Variants in PTPRG observed in about 807,000 individuals in gnomAD.
The protein encoded by PTPRG is protein tyrosine phosphatase receptor type G.
In PTPRG, 102 loss-of-function variants were observed where a neutral mutation model predicts 165.3. The ratio of observed to expected loss-of-function variants is 0.62; its 90% confidence interval spans 0.53 to 0.73. PTPRG has a LOEUF of 0.73. Ranked by LOEUF, PTPRG falls within the 30% of genes least tolerant of loss-of-function variation. The pLI is 0.00. For missense variants in PTPRG, 1,866 were observed against 1,861.4 expected, an observed-to-expected ratio of 1.00 and a Z score of -0.05; for synonymous variants, 675 against 669.5, an observed-to-expected ratio of 1.01 and a Z score of -0.13.
chr3:62,123,471 A>G (rs1000548406), intron 5 of PTPRG, among the ~76,000 whole-genome samples: 2 of 152,276 alleles, frequency 1.3e-5, no homozygotes, highest in Admixed American at 6.5e-5. Context: ...GTCTACATAA[A>G]TTTGAACTTG....
chr3:62,163,346 C>T (rs968628617), intron 7 of PTPRG, among the ~76,000 whole-genome samples: 2 of 152,190 alleles, frequency 1.3e-5, no homozygotes, highest in African/African-American at 2.4e-5. Context: ...CCACCAGCCT[C>T]ATGGGATTTC....
At chr3:62,028,257 G>A (rs761003626) in intron 4 of PTPRG, among the ~76,000 whole-genome samples, 3 of 152,132 alleles carry the variant, frequency 2.0e-5, no homozygotes, top group Non-Finnish European at 2.9e-5. Flanking sequence ...TGATCTTTTT[G>A]TGGTGACATC....
intron 1 of PTPRG, among the ~76,000 whole-genome samples, chr3:61,605,395 A>G (rs1700974019): frequency 6.6e-6 from 1 of 151,842 alleles, no homozygotes; most frequent in Non-Finnish European, 1.5e-5. Context: ...AGCTGGGATT[A>G]CAGGTGCACA....
At chr3:61,911,207 AAG>A (rs35880405) in intron 2 of PTPRG, among the ~76,000 whole-genome samples, 439 of 152,308 alleles carry the variant, frequency 2.9e-3, no homozygotes, top group African/African-American at 0.01. Flanking sequence ...TTTCAAGACA[AAG>A]AGGGGAAGGG....
At chr3:61,881,576 T>C (rs1156650862) in intron 2 of PTPRG, among the ~76,000 whole-genome samples, 2 of 152,218 alleles carry the variant, frequency 1.3e-5, no homozygotes, top group Admixed American at 1.3e-4. Context: ...TCTAGCCATT[T>C]GGGTTTTCCA....
At chr3:62,097,933 A>G (rs1290914491) in intron 5 of PTPRG, among the ~76,000 whole-genome samples, 4 of 152,228 alleles carry the variant, frequency 2.6e-5, no homozygotes, top group Non-Finnish European at 5.9e-5. Flanking sequence ...AACTTGAGTT[A>G]TTAAAGCGGC....
chr3:61,709,838 C>T (rs1242312130), intron 1 of PTPRG, among the ~76,000 whole-genome samples: 1 of 152,106 alleles, frequency 6.6e-6, no homozygotes, highest in Non-Finnish European at 1.5e-5. Flanking sequence ...AACCACTGTG[C>T]CAGTGGTTCT....
At chr3:61,609,674 C>G (rs79718520) in intron 1 of PTPRG, among the ~76,000 whole-genome samples, 1 of 150,304 alleles carries the variant, frequency 6.7e-6, no homozygotes, top group Non-Finnish European at 1.5e-5. Context: ...CTGGGCAATA[C>G]GGCAAAACCG....
chr3:61,847,947 G>A, intron 2 of PTPRG, among the ~76,000 whole-genome samples: 1 of 152,218 alleles, frequency 6.6e-6, no homozygotes, highest in East Asian at 1.9e-4. Flanking sequence ...GATCCAGCTT[G>A]CTTTTCCCCT....
At chr3:61,980,934 C>T (rs974812877) in intron 2 of PTPRG, among the ~76,000 whole-genome samples, 6 of 152,208 alleles carry the variant, frequency 3.9e-5, no homozygotes, top group African/African-American at 1.4e-4. Context: ...AATTTTGGGC[C>T]TTGCCTTGTG....
chr3:61,929,426 C>T (rs1350295162), intron 2 of PTPRG, among the ~76,000 whole-genome samples: 2 of 152,114 alleles, frequency 1.3e-5, no homozygotes, highest in African/African-American at 2.4e-5. Flanking sequence ...CAAGTGACCC[C>T]GTATTTAGTC....
intron 2 of PTPRG, among the ~76,000 whole-genome samples, chr3:61,899,561 CT>C (rs1252564213): frequency 7.9e-5 from 12 of 152,120 alleles, no homozygotes; most frequent in African/African-American, 2.9e-4. Context: ...TGGAACATTG[CT>C]CTCTGTTGTT....
intron 2 of PTPRG, among the ~76,000 whole-genome samples, chr3:61,786,507 T>C (rs2034708178): frequency 6.6e-6 from 1 of 152,200 alleles, no homozygotes; most frequent in African/African-American, 2.4e-5. Context: ...AGAGCCAGGC[T>C]GGTTATCGTA....
In PTPRG at chr3:62,262,879, A is replaced by G. The variant is rs749958580; in HGVS notation, c.2641A>G (p.Ile881Val). ...HPENKHKNRYINILAYDHSRV... is the reference protein window; with the variant it reads ...HPENKHKNRYVNILAYDHSRV... The stretch of plus-strand genomic sequence containing the variant: ...AGAAAACAAGCACAAAAACAGATAC[A>G]TCAACATTTTAGCATGTGAGTAATA... Residue 881 changes from isoleucine (I) to valine (V), a missense_variant, in exon 17 of 30, where the codon ATC becomes GTC. Physicochemically the swap from Ile to Val is conservative, Grantham distance 29 (BLOSUM62 3). Transcript: ENST00000474889. 4.3e-6 allele frequency: 7 copies of G among 1,611,912 alleles called. No homozygotes were observed. The South Asian group carries it at 7.7e-5, about 18-fold the overall frequency.
At chr3:62,189,252 G>A (rs1426479596) in intron 8 of PTPRG, among the ~76,000 whole-genome samples, 1 of 152,130 alleles carries the variant, frequency 6.6e-6, no homozygotes, top group Admixed American at 6.5e-5. Context: ...CTGAACTGGG[G>A]TTTGGCAGTT....
chr3:62,118,777 G>A (rs1024701128), intron 5 of PTPRG, among the ~76,000 whole-genome samples: 5 of 152,124 alleles, frequency 3.3e-5, no homozygotes, highest in African/African-American at 1.2e-4. Context: ...AACAACCCAG[G>A]AGGTGTGTGT....
intron 2 of PTPRG, among the ~76,000 whole-genome samples, chr3:61,959,464 G>A (rs1036441074): frequency 7.9e-5 from 12 of 152,168 alleles, no homozygotes; most frequent in African/African-American, 2.4e-4. Flanking sequence ...CCTTGAATGC[G>A]CAGTTCACAA....
intron 2 of PTPRG, among the ~76,000 whole-genome samples, chr3:61,787,509 C>T (rs1257937791): frequency 1.3e-5 from 2 of 152,266 alleles, no homozygotes; most frequent in Admixed American, 6.5e-5. Context: ...TCATTAGTTT[C>T]GCTTTTCAGT....
intron 5 of PTPRG, among the ~76,000 whole-genome samples, chr3:62,107,140 T>C (rs1319434631): frequency 2.6e-5 from 4 of 152,226 alleles, no homozygotes; most frequent in Non-Finnish European, 4.4e-5. Context: ...GTTGGTTATA[T>C]CTCACTTTTC....
Sources: allele counts gnomAD v4.1 joint callset (sites outside exome capture counted in the v4.1 genomes callset), GRCh38; gene constraint gnomAD v4.1.1; transcripts MANE v1.5; gene names NCBI Gene and HGNC (gene_info 2026-07-23, HGNC 2026-07-21).